MAF: variants seen among roughly 807,000 people sequenced by gnomAD.
The protein encoded by MAF is MAF bZIP transcription factor, also known as transcription factor Maf.
MAF carries 10 observed loss-of-function variants against 22.0 expected under a neutral mutation model. The ratio of observed to expected loss-of-function variants is 0.45; its 90% CI spans 0.28 to 0.77. The LOEUF is 0.77. Among genes scored for constraint, MAF ranks in the 30% least tolerant of loss-of-function variants. The probability of loss-of-function intolerance (pLI) is 0.12; values close to 1 mark genes in which losing one functional copy is unlikely to be tolerated. For synonymous variants in MAF, 337 were observed against 255.8 expected (o/e 1.32, Z -3.03); for missense variants, 544 against 548.4 (o/e 0.99, Z 0.08).
chr16:79,482,564 G>A, the MAF span, among the ~76,000 whole-genome samples: 1 of 152,140 alleles, frequency 6.6e-6, no homozygotes, highest in Non-Finnish European at 1.5e-5. Flanking sequence ...TACAGAATGA[G>A]GAGTTCACCA....
chr16:79,591,128 A>G (rs1435728246), downstream of MAF, among the ~76,000 whole-genome samples: 1 of 152,024 alleles, frequency 6.6e-6, no homozygotes, highest in Non-Finnish European at 1.5e-5. Flanking sequence ...CCTGTTCCCT[A>G]ACGGAAAGGA....
the MAF span, among the ~76,000 whole-genome samples, chr16:79,377,888 T>G: frequency 6.6e-6 from 1 of 152,180 alleles, no homozygotes; most frequent in African/African-American, 2.4e-5. Flanking sequence ...TTGGTCTATA[T>G]CTCTGTTTTG....
At chr16:79,383,567 T>C in the MAF span, among the ~76,000 whole-genome samples, 2 of 152,220 alleles carry the variant, frequency 1.3e-5, no homozygotes, top group South Asian at 2.1e-4. Context: ...TATGCTTTGA[T>C]CTCAAGAAGC....
chr16:79,342,436 C>T, the MAF span, among the ~76,000 whole-genome samples: 3 of 152,210 alleles, frequency 2.0e-5, no homozygotes, highest in African/African-American at 7.2e-5. Flanking sequence ...TTTAACACTT[C>T]TCCAAAACTT....
chr16:79,309,839 G>A, the MAF span, among the ~76,000 whole-genome samples: 1 of 152,110 alleles, frequency 6.6e-6, no homozygotes, highest in Non-Finnish European at 1.5e-5. Flanking sequence ...CTATGCTGTG[G>A]GAAAGCCCCA....
chr16:79,255,058 G>C, the MAF span, among the ~76,000 whole-genome samples: 8 of 152,124 alleles, frequency 5.3e-5, no homozygotes, highest in Admixed American at 4.6e-4. Context: ...ACTGTTCACC[G>C]GTGCAGTTTT....
the MAF span, among the ~76,000 whole-genome samples, chr16:79,565,184 C>T: frequency 6.6e-6 from 1 of 152,166 alleles, no homozygotes; most frequent in African/African-American, 2.4e-5. Context: ...CAATCCTCTA[C>T]GTTGCCTCTG....
At chr16:79,495,042 A>AC in the MAF span, among the ~76,000 whole-genome samples, 11 of 151,924 alleles carry the variant, frequency 7.2e-5, no homozygotes, top group Admixed American at 3.9e-4. Context: ...CAGGCGTGTC[A>AC]CCCCCCCAGA....
intron 1 of MAF, chr16:79,596,971 T>C (rs1913569466): frequency 5.7e-6 from 6 of 1,051,148 alleles, no homozygotes; most frequent in Middle Eastern, 4.3e-4. Context: ...AAAAAAAACA[T>C]ACATTTTTGA....
At chr16:79,214,703 CTTTTTTTTTT>C in the MAF span, among the ~76,000 whole-genome samples, 2 of 43,052 alleles carry the variant, frequency 4.6e-5, no homozygotes, top group Admixed American at 3.2e-4. Flanking sequence ...CTGTGCCTGG[CTTTTTTTTTT>C]TTTTTTTTTT....
chr16:79,204,262 A>C, the MAF span: 1 of 152,132 alleles, frequency 6.6e-6, no homozygotes, highest in Admixed American at 6.5e-5. Flanking sequence ...CATCATCAAC[A>C]ATACCTTCTC....
At chr16:79,285,699 C>A in the MAF span, among the ~76,000 whole-genome samples, 1 of 152,168 alleles carries the variant, frequency 6.6e-6, no homozygotes, top group South Asian at 2.1e-4. Flanking sequence ...TGCTCAGGAG[C>A]TGGATTCCGC....
chr16:79,344,127 G>A, the MAF span, among the ~76,000 whole-genome samples: 2 of 152,170 alleles, frequency 1.3e-5, no homozygotes, highest in African/African-American at 4.8e-5. Context: ...ATGGAAGCTG[G>A]TGTTTGCTAC....
At chr16:79,354,150 G>A in the MAF span, among the ~76,000 whole-genome samples, 7 of 151,892 alleles carry the variant, frequency 4.6e-5, no homozygotes, top group Non-Finnish European at 8.8e-5. Flanking sequence ...GCGCACCACC[G>A]TGACTAATTT....
chr16:79,247,098 G>C, the MAF span, among the ~76,000 whole-genome samples: 4 of 152,354 alleles, frequency 2.6e-5, no homozygotes, highest in East Asian at 3.9e-4. Flanking sequence ...GGGCATTAAA[G>C]CAGGTGGTCA....
chr16:79,401,863 TTGA>T, the MAF span, among the ~76,000 whole-genome samples: 1 of 152,148 alleles, frequency 6.6e-6, no homozygotes, highest in Non-Finnish European at 1.5e-5. Flanking sequence ...GCTAGGGTCA[TTGA>T]TGGTGGTTGG....
chr16:79,259,029 G>T, the MAF span, among the ~76,000 whole-genome samples: 16 of 152,272 alleles, frequency 1.1e-4, no homozygotes, highest in Admixed American at 8.5e-4. Flanking sequence ...ATTTTGGGAG[G>T]TTAAAAATTC....
At chr16:79,207,787 GCT>G in the MAF span, among the ~76,000 whole-genome samples, 1 of 91,800 alleles carries the variant, frequency 1.1e-5, no homozygotes, top group African/African-American at 3.0e-5. Context: ...ATATGTGGGT[GCT>G]TTTTTTTTCT....
chr16:79,327,867 A>C, the MAF span, among the ~76,000 whole-genome samples: 14,320 of 152,258 alleles, frequency 0.094, 1,416 homozygotes, highest in East Asian at 0.42. Flanking sequence ...TCCTATGTAA[A>C]TATCCTTTAC....
Sources: gnomAD v4.1 joint callset for allele counts (sites outside exome capture counted in the v4.1 genomes callset) on GRCh38, gnomAD v4.1.1 for gene constraint, MANE v1.5 for transcripts, NCBI Gene and HGNC (gene_info 2026-07-23, HGNC 2026-07-21) for gene names.